The following MARCHF10 variants were observed in gnomAD, a reference collection of about 807,000 sequenced individuals.
The protein encoded by MARCHF10 is membrane associated ring-CH-type finger 10.
MARCHF10 carries 64 observed loss-of-function variants against 76.2 expected under a neutral mutation model. The ratio of observed to expected loss-of-function variants is 0.84; its 90% CI spans 0.69 to 1.03. The LOEUF (loss-of-function observed/expected upper bound fraction) is 1.03. MARCHF10 is among the 50% of genes least tolerant of loss of function. The pLI is 0.00. For synonymous variants in MARCHF10, 340 were observed against 357.5 expected (o/e 0.95, Z 0.55); for missense variants, 875 against 958.0 (o/e 0.91, Z 1.14).
intron 2 of MARCHF10, among the ~76,000 whole-genome samples, chr17:62,796,500 T>C (rs1309076958): frequency 6.6e-6 from 1 of 152,192 alleles, no homozygotes; most frequent in Non-Finnish European, 1.5e-5. Context: ...GTTTTGAAAA[T>C]GCTCAATGAG....
intron 6 of MARCHF10, chr17:62,725,971 C>T (rs971028857): frequency 4.6e-5 from 7 of 152,234 alleles, no homozygotes; most frequent in African/African-American, 1.7e-4. Flanking sequence ...CTGTAAAGTA[C>T]ATCTAGTGTC....
At position 62,760,001 on chromosome 17, in the gene MARCHF10, A is replaced by G; in HGVS notation, c.216T>C (p.Ser72=). The stretch of plus-strand genomic sequence containing the variant: ...GTTCAGTTAGAGCATCCTCCTCACT[A>G]GAACTCTACCAAAAATGAAATACGT... ...FSSRSSSKQS[S]SEEDALTEPR... The change falls in exon 4 of 11, where the codon TCT becomes TCC. Residue 72 remains serine, a synonymous_variant. Transcript: ENST00000311269. The G allele has an allele frequency of 1.2e-6, 2 of 1,612,710 alleles. No homozygotes were observed. Among genetic ancestry groups the G allele is most frequent in the Non-Finnish European group, 1.7e-6 (2 of 1,179,330 alleles).
chr17:62,708,016 T>C (rs1041631528), intron 9 of MARCHF10, among the ~76,000 whole-genome samples: 1 of 152,110 alleles, frequency 6.6e-6, no homozygotes, highest in Non-Finnish European at 1.5e-5. Context: ...GAGGATCACT[T>C]GAGCCCAGGC....
chr17:62,735,476 T>C (rs1385842886), intron 6 of MARCHF10: 2 of 155,330 alleles, frequency 1.3e-5, no homozygotes, highest in African/African-American at 4.8e-5. Context: ...GAACGGTCTT[T>C]TAGTTCGCAA....
chr17:62,760,818 TC>T (rs1371570325), intron 3 of MARCHF10, among the ~76,000 whole-genome samples: 1 of 152,186 alleles, frequency 6.6e-6, no homozygotes, highest in Non-Finnish European at 1.5e-5. Context: ...ATCACTAGGT[TC>T]CCCCTTCCCC....
Position 62,722,409 on chromosome 17 carries a change from T to C in MARCHF10, c.2214+79A>G. ...GCAGAGACCTTCTACATTTCTTAGA[T>C]CAGGGAAGGGGAATGTCTTCTCGCC... On this transcript the variant is annotated intron_variant, in intron 8 of 10. Coordinates refer to ENST00000311269, the MANE Select transcript of MARCHF10 (RefSeq NM_152598.4). The C allele has an allele frequency of 1.1e-5, 11 of 974,498 alleles. 1 individual carries two copies. The South Asian group carries it at 1.6e-4, about 14-fold the overall frequency. 60.4% of individuals were successfully genotyped at this position (974,498 alleles called of 1,614,324 possible). A position where few individuals can be genotyped will look rare whatever the true frequency, so the allele number is the denominator to read the frequency against.
chr17:62,720,860 A>ATTTTTTTT (rs56688878), intron 8 of MARCHF10, among the ~76,000 whole-genome samples: 15 of 88,034 alleles, frequency 1.7e-4, no homozygotes, highest in Admixed American at 4.2e-4. Context: ...GTAAGTTGTG[A>ATTTTTTTT]TTTTTTTTTT....
At chr17:62,753,299 G>T (rs981395909) in intron 4 of MARCHF10, among the ~76,000 whole-genome samples, 1 of 152,088 alleles carries the variant, frequency 6.6e-6, no homozygotes, top group Non-Finnish European at 1.5e-5. Flanking sequence ...TAGAGATGGG[G>T]TTTCATCATG....
intron 2 of MARCHF10, among the ~76,000 whole-genome samples, chr17:62,790,635 C>T (rs781357763): frequency 1.6e-4 from 24 of 152,196 alleles, no homozygotes; most frequent in Admixed American, 3.9e-4. Flanking sequence ...CCCTTCCTGG[C>T]TGGGTTGAGA....
At chr17:62,747,274 G>A (rs79694641) in intron 4 of MARCHF10, among the ~76,000 whole-genome samples, 1 of 152,184 alleles carries the variant, frequency 6.6e-6, no homozygotes, top group Non-Finnish European at 1.5e-5. Context: ...TGTGCAGAAC[G>A]CCCAAGATGG....
At chr17:62,709,483 TAAAAC>T (rs1440042785) in intron 9 of MARCHF10, among the ~76,000 whole-genome samples, 16 of 151,552 alleles carry the variant, frequency 1.1e-4, no homozygotes, top group Admixed American at 2.0e-4. Context: ...CTCAAAAAAA[TAAAAC>T]AAAAAAACAA....
At chr17:62,791,974 C>T (rs1047869901) in intron 2 of MARCHF10, among the ~76,000 whole-genome samples, 5 of 152,012 alleles carry the variant, frequency 3.3e-5, no homozygotes, top group South Asian at 4.2e-4. Context: ...TTCAATTGCA[C>T]GTGTCAGGAT....
chr17:62,737,435 A>T, intron 5 of MARCHF10, 103 bp from the exon 6 acceptor site: 1 of 1,063,572 alleles, frequency 9.4e-7, no homozygotes, highest in Non-Finnish European at 1.4e-6. Flanking sequence ...AACAGACAAG[A>T]CCTAGAGAAG....
At position 62,701,671 on chromosome 17, in the gene MARCHF10, G is replaced by C; in HGVS notation, c.*32C>G. 6.2e-7 allele frequency: 1 copy of C among 1,613,774 alleles called. No individual in the cohort carries two copies. Among genetic ancestry groups the C allele is most frequent in the Non-Finnish European group, 8.5e-7 (1 of 1,179,948 alleles). On this transcript the variant is annotated 3_prime_UTR_variant, in exon 11 of 11. Transcript: ENST00000311269. ...GTAGAAAGAAGGGCTGGCGGGAGAG[G>C]TCTCCGCCGAGCTCCACAGTTGGCT...
chr17:62,766,907 T>C (rs1388117210), intron 3 of MARCHF10, among the ~76,000 whole-genome samples: 1 of 152,170 alleles, frequency 6.6e-6, no homozygotes, highest in Non-Finnish European at 1.5e-5. Context: ...ATACGTTCTG[T>C]TGCACCCATT....
intron 4 of MARCHF10, among the ~76,000 whole-genome samples, chr17:62,757,242 A>G (rs8066771): frequency 1.3e-3 from 192 of 152,278 alleles, no homozygotes; most frequent in African/African-American, 4.5e-3. Context: ...TGATGCTTCA[A>G]TTTCGTACAG....
rs557898805 is a variant in MARCHF10 at position 62,773,081 on chromosome 17, G to A, written c.211-13075C>T. Among the ~76,000 whole-genome samples, 19 of 152,150 alleles carry A rather than the reference G, an allele frequency of 1.2e-4. No individual in the cohort carries two copies. The South Asian group carries it at 3.5e-3, about 28-fold the overall frequency. On this transcript the variant is annotated intron_variant, in intron 3 of 10. Transcript: ENST00000311269. ...TCACCATGCGGCCAAAGAGGTTTGC[G>A]GCACAAAAATGAGATAAAACACCAA...
intron 3 of MARCHF10, among the ~76,000 whole-genome samples, chr17:62,770,856 T>TTC (rs1264922665): frequency 7.2e-6 from 1 of 139,012 alleles, no homozygotes; most frequent in Non-Finnish European, 1.6e-5. Context: ...TTTGACTTTT[T>TTC]TTTTTTTTTT....
chr17:62,747,435 A>T (rs1184438605), intron 4 of MARCHF10, among the ~76,000 whole-genome samples: 6 of 152,332 alleles, frequency 3.9e-5, no homozygotes, highest in Non-Finnish European at 8.8e-5. Flanking sequence ...GAACAACTGG[A>T]GATTGTTGTA....
Sources: allele counts gnomAD v4.1 joint callset (sites outside exome capture counted in the v4.1 genomes callset), GRCh38; gene constraint gnomAD v4.1.1; transcripts MANE v1.5; gene names NCBI Gene and HGNC (gene_info 2026-07-23, HGNC 2026-07-21).